RAB9A: variants seen among roughly 807,000 people sequenced by gnomAD.
RAB9A encodes ras-related protein Rab-9A.
Under a neutral mutation model 10.3 loss-of-function variants are expected in RAB9A, and 1 was observed. The ratio of observed to expected loss-of-function variants is 0.10; its 90% CI spans 0.03 to 0.46. The LOEUF is 0.46. Ranked by LOEUF, RAB9A falls within the 20% of genes least tolerant of loss-of-function variation. The probability of loss-of-function intolerance (pLI) is 0.96; values close to 1 mark genes in which losing one functional copy is unlikely to be tolerated. For synonymous variants in RAB9A, 39 were observed against 55.2 expected (o/e 0.71, Z 1.30); for missense variants, 92 against 150.3 (o/e 0.61, Z 2.03).
rs1442296308 is a variant in RAB9A at position 13,709,896 on chromosome X, GA to G, written c.*546del. On this transcript the variant is annotated 3_prime_UTR_variant, in exon 3 of 3. Coordinates refer to ENST00000464506, the MANE Select transcript of RAB9A (RefSeq NM_004251.5). ...ATTCCTGTTTTCATTCTACATACTA[GA>G]ATTACTCTCACTAGTAATTACTCAT... is the stretch of plus-strand genomic sequence containing the variant. 1 of 123,311 alleles carries G rather than the reference GA, an allele frequency of 8.1e-6. No homozygotes were observed. The highest frequency in any genetic ancestry group is 1.9e-5 in the Non-Finnish European group (1 of 53,439). 10.2% of individuals were successfully genotyped at this position (123,311 alleles called of 1,213,427 possible).
At chrX:13,703,963 G>A (rs994745863) in intron 2 of RAB9A, 61 bp downstream of exon 2, 4 of 112,002 alleles carry the variant, frequency 3.6e-5, no homozygotes, top group African/African-American at 1.3e-4. Context: ...GCTCGTCCAT[G>A]GGGCTGTGCT....
chrX:13,696,664 A>G (rs1356267481), intron 1 of RAB9A, among the ~76,000 whole-genome samples: 6 of 112,073 alleles, frequency 5.4e-5, no homozygotes, highest in Admixed American at 4.7e-4. Context: ...AGAAAAAGCC[A>G]TTGGATTGGC....
chrX:13,700,492 G>T (rs1267647818), intron 1 of RAB9A, among the ~76,000 whole-genome samples: 1 of 112,099 alleles, frequency 8.9e-6, no homozygotes, highest in Non-Finnish European at 1.9e-5. Flanking sequence ...TTTGAATTTT[G>T]CCGTATCTGC....
intron 1 of RAB9A, among the ~76,000 whole-genome samples, chrX:13,698,198 T>C (rs377467228): frequency 2.6e-4 from 13 of 49,393 alleles, no homozygotes; most frequent in Middle Eastern, 9.5e-3. Context: ...TTCTTTTTTT[T>C]TTTTTTTTTT....
At chrX:13,705,073 T>C (rs765323655) in intron 2 of RAB9A, among the ~76,000 whole-genome samples, 2 of 112,522 alleles carry the variant, frequency 1.8e-5, no homozygotes, top group African/African-American at 6.4e-5. Context: ...AGGATCCCTT[T>C]ATTTATTTAA....
chrX:13,708,827 T>G lies in RAB9A; in HGVS notation c.81T>G (p.Tyr27Ter). 1 of 1,208,074 alleles carries G rather than the reference T, an allele frequency of 8.3e-7. No homozygotes were observed. Among genetic ancestry groups the G allele is most frequent in the Non-Finnish European group, 1.1e-6 (1 of 892,080 alleles). Residue 27 changes from tyrosine (Y) to a stop codon, truncating the protein, a stop_gained, in exon 3 of 3, where the codon TAT (tyrosine) becomes TAG (stop). Transcript: ENST00000464506. LOFTEE classifies it high-confidence loss of function. ...GVGKSSLMNR[Y>*]VTNKFDTQLF... ...GGAAGAGTTCACTTATGAACAGATA[T>G]GTAACTAATAAGTTTGATACCCAGC...
In RAB9A at chrX:13,709,319, C is replaced by T. The variant is rs1266199947; in HGVS notation, c.573C>T (p.His191=). The T allele has an allele frequency of 4.1e-6, 5 of 1,205,417 alleles. No homozygotes were observed. In the South Asian group the frequency reaches 7.1e-5, roughly 17 times the overall value. ...HLIQTDTVNL[H]RKPKPSSSCC ...TTCAGACAGACACAGTCAATCTTCA[C>T]CGAAAGCCCAAGCCTAGCTCATCTT... Residue 191 remains histidine, a synonymous_variant, in exon 3 of 3, where the codon CAC becomes CAT. Coordinates refer to ENST00000464506, the MANE Select transcript of RAB9A (RefSeq NM_004251.5).
chrX:13,703,253 C>T (rs765335295), intron 1 of RAB9A, among the ~76,000 whole-genome samples: 33 of 112,344 alleles, frequency 2.9e-4, no homozygotes, highest in African/African-American at 9.7e-4. Flanking sequence ...TAGAGTCAGT[C>T]GGCCATGTTC....
chrX:13,704,629 T>G (rs183656633), intron 2 of RAB9A, among the ~76,000 whole-genome samples: 1,562 of 108,508 alleles, frequency 0.014, 32 homozygotes, highest in African/African-American at 0.049. Context: ...TTTTTTTTTT[T>G]TTTTAGATAG....
chrX:13,692,658 T>A (rs1007072682), intron 1 of RAB9A, among the ~76,000 whole-genome samples: 4 of 112,184 alleles, frequency 3.6e-5, no homozygotes, highest in African/African-American at 1.3e-4. Flanking sequence ...CCTTTCAAAA[T>A]ATGTACTGCT....
rs1215438865 is a variant in RAB9A, at chrX:13,710,037, G to C, written c.*685G>C. 1.6e-5 allele frequency: 2 copies of C among 123,378 alleles called. No individual in the cohort carries two copies. Among genetic ancestry groups the C allele is most frequent in the African/African-American group, 6.5e-5 (2 of 30,777 alleles). The allele number at this position is 123,378 out of a possible 1,213,427, so 10.2% of individuals were successfully genotyped here. The stretch of plus-strand genomic sequence containing the variant: ...CTTCATACAGTCTGTAATACATCCA[G>C]CTAAATTCAAGTTGTCTATGAATGG... On this transcript the variant is annotated 3_prime_UTR_variant, in exon 3 of 3. Transcript: ENST00000464506.
chrX:13,697,126 C>T (rs1360941801), intron 1 of RAB9A, among the ~76,000 whole-genome samples: 1 of 111,308 alleles, frequency 9.0e-6, no homozygotes, highest in East Asian at 2.8e-4. Context: ...CCTTGTGGAG[C>T]CCCTCACTCA....
At chrX:13,704,606 ATTTC>A (rs1305668672) in intron 2 of RAB9A, among the ~76,000 whole-genome samples, 9 of 100,846 alleles carry the variant, frequency 8.9e-5, no homozygotes, top group Admixed American at 1.2e-4. Flanking sequence ...TCTTATATAG[ATTTC>A]TTTCTTTCTT....
At chrX:13,691,618 C>G (rs2046123900) in intron 1 of RAB9A, among the ~76,000 whole-genome samples, 1 of 92,580 alleles carries the variant, frequency 1.1e-5, no homozygotes, top group Non-Finnish European at 2.1e-5. Flanking sequence ...CGAGATCACG[C>G]CATTGCGCTC....
chrX:13,689,344 C>G (rs1443367178), intron 1 of RAB9A, 56 bp downstream of exon 1: 1 of 112,507 alleles, frequency 8.9e-6, no homozygotes, highest in African/African-American at 3.2e-5. Flanking sequence ...GTGTCGGGGT[C>G]TGAGGGGGCG....
intron 1 of RAB9A, among the ~76,000 whole-genome samples, chrX:13,690,427 G>A (rs1319035483): frequency 8.9e-6 from 1 of 111,903 alleles, no homozygotes; most frequent in Non-Finnish European, 1.9e-5. Flanking sequence ...ATACTACAAA[G>A]TTTCTCTTCT....
At chrX:13,692,214 G>A (rs1318324267) in intron 1 of RAB9A, among the ~76,000 whole-genome samples, 2 of 111,427 alleles carry the variant, frequency 1.8e-5, no homozygotes, top group Admixed American at 1.9e-4. Flanking sequence ...GGAGGCTGAG[G>A]CAGAAGGACG....
At chrX:13,690,498 G>A (rs750544139) in intron 1 of RAB9A, among the ~76,000 whole-genome samples, 2 of 111,690 alleles carry the variant, frequency 1.8e-5, no homozygotes, top group Non-Finnish European at 3.8e-5. Context: ...AGAGTAGATA[G>A]GCAAACACTA....
chrX:13,694,177 A>G (rs6653643), intron 1 of RAB9A, among the ~76,000 whole-genome samples: 32,876 of 106,217 alleles, frequency 0.31, 3,925 homozygotes, highest in Non-Finnish European at 0.33. Flanking sequence ...AAAACCTGGG[A>G]AAAAAAAAAG....
Sources: gnomAD v4.1 joint callset for allele counts (sites outside exome capture counted in the v4.1 genomes callset) on GRCh38, gnomAD v4.1.1 for gene constraint, MANE v1.5 for transcripts, NCBI Gene and HGNC (gene_info 2026-07-23, HGNC 2026-07-21) for gene names.